Variants in LRP8 observed in about 807,000 individuals in gnomAD.
LRP8 encodes the protein LDL receptor related protein 8, also known as low-density lipoprotein receptor-related protein 8.
In LRP8, 46 loss-of-function variants were observed where a neutral mutation model predicts 111.6. The observed-to-expected ratio is 0.41, with a 90% CI of 0.33 to 0.53. The LOEUF (loss-of-function observed/expected upper bound fraction) is 0.53. Ranked by LOEUF, LRP8 falls within the 20% of genes least tolerant of loss-of-function variation. The pLI is 0.20. For synonymous variants in LRP8, 464 were observed against 511.2 expected, an observed-to-expected ratio of 0.91 and a Z score of 1.24; for missense variants, 959 against 1,297.4, an observed-to-expected ratio of 0.74 and a Z score of 4.01.
chr1:53,310,063 C>G (rs1177166740), intron 2 of LRP8, among the ~76,000 whole-genome samples: 2 of 152,148 alleles, frequency 1.3e-5, no homozygotes, highest in Non-Finnish European at 2.9e-5. Flanking sequence ...TGCCCCGGAG[C>G]ATACCCACAC....
rs538138797 is a variant in LRP8, at chr1:53,279,775, C to T, written c.496+812G>A. Among the ~76,000 whole-genome samples the T allele has an allele frequency of 2.0e-5, 3 of 152,316 alleles. No homozygotes were observed. The highest frequency in any genetic ancestry group is 2.9e-5 in the Non-Finnish European group (2 of 68,022). On this transcript the variant is annotated intron_variant, in intron 4 of 18. Coordinates refer to ENST00000306052, the MANE Select transcript of LRP8 (RefSeq NM_004631.5). This position sits in a 1 kb window ranked among gnomAD's most constrained non-coding sequence, Gnocchi z 4.4. ...TCAGCCCAGCCGCACAGCCTAGTAG[C>T]GACAGCCAGTCTGTCTCCCCCACTA...
chr1:53,304,012 G>A (rs1651482440), intron 2 of LRP8, among the ~76,000 whole-genome samples: 1 of 152,192 alleles, frequency 6.6e-6, no homozygotes, highest in Non-Finnish European at 1.5e-5. Context: ...GAGCTGCCAT[G>A]AAATGACTTT....
chr1:53,308,785 G>A (rs547877727), intron 2 of LRP8, among the ~76,000 whole-genome samples: 1 of 152,274 alleles, frequency 6.6e-6, no homozygotes, highest in East Asian at 1.9e-4. Context: ...AATTCCAAAG[G>A]AGCTCTCACA....
In LRP8 at chr1:53,277,057, TG is replaced by T; in HGVS notation, c.517del (p.Gln173SerfsTer165). 6.6e-7 allele frequency: 1 copy of T among 1,523,026 alleles called. No homozygotes were observed. The highest frequency in any genetic ancestry group is 8.8e-7 in the Non-Finnish European group (1 of 1,140,622). 94.3% of individuals were successfully genotyped at this position (1,523,026 alleles called of 1,614,324 possible). ...CATLCAPHEFQCGNRSCLAAV... is the reference protein window; with the variant it reads ...CATLCAPHEFXCGNRSCLAAV... ...GGCCAGGCACGAGCGGTTGCCGCAC[TG>T]GAACTCGTGCGGGGCGCACACTGCG... On this transcript the variant is annotated frameshift_variant, in exon 5 of 19. Coordinates refer to ENST00000306052, the MANE Select transcript of LRP8 (RefSeq NM_004631.5). LOFTEE classifies it high-confidence loss of function.
intron 10 of LRP8, 117 bp downstream of exon 10, chr1:53,264,052 T>A: frequency 1.0e-6 from 1 of 960,684 alleles, no homozygotes. Flanking sequence ...TTCTTCCCCA[T>A]GGCCTGTGTC....
At chr1:53,256,867 A>AAT (rs1307689083) in intron 15 of LRP8, among the ~76,000 whole-genome samples, 2 of 152,182 alleles carry the variant, frequency 1.3e-5, no homozygotes, top group Non-Finnish European at 2.9e-5. Context: ...AACTTTGTGA[A>AAT]ACATAGACAC....
intron 3 of LRP8, among the ~76,000 whole-genome samples, chr1:53,284,486 T>C (rs1175472028): frequency 6.6e-6 from 1 of 152,178 alleles, no homozygotes; most frequent in Non-Finnish European, 1.5e-5. Context: ...AAATCCTGCA[T>C]GCTCCAGAAC....
chr1:53,324,379 T>C (rs1654881114), intron 2 of LRP8, among the ~76,000 whole-genome samples: 1 of 152,204 alleles, frequency 6.6e-6, no homozygotes, highest in South Asian at 2.1e-4. Flanking sequence ...TTTCCCTTTA[T>C]GGCTACCAGG....
At chr1:53,280,046 T>A (rs182700937) in intron 4 of LRP8, among the ~76,000 whole-genome samples, 34 of 152,362 alleles carry the variant, frequency 2.2e-4, no homozygotes, top group Admixed American at 2.2e-3. Context: ...CTGCTGAGAA[T>A]GTCTTCTCTG....
chr1:53,286,409 G>T (rs1240634500), intron 3 of LRP8, among the ~76,000 whole-genome samples: 1 of 152,184 alleles, frequency 6.6e-6, no homozygotes. Flanking sequence ...AGGTGGAAAG[G>T]TTCTAAGATG....
At chr1:53,321,013 C>T (rs1274307073) in intron 2 of LRP8, among the ~76,000 whole-genome samples, 1 of 152,194 alleles carries the variant, frequency 6.6e-6, no homozygotes, top group Non-Finnish European at 1.5e-5. Flanking sequence ...AAAAACTAGC[C>T]CTCCCAGGGT....
At chr1:53,273,895 G>T (rs1463362691) in intron 6 of LRP8, among the ~76,000 whole-genome samples, 1 of 152,136 alleles carries the variant, frequency 6.6e-6, no homozygotes, top group Admixed American at 6.5e-5. Flanking sequence ...GAAAGGGAGG[G>T]ACTGACCTAG....
chr1:53,295,693 G>A (rs1649577546), intron 2 of LRP8, among the ~76,000 whole-genome samples: 1 of 152,214 alleles, frequency 6.6e-6, no homozygotes, highest in Non-Finnish European at 1.5e-5. Context: ...CCTTGGAGAT[G>A]CATGATGCCC....
At chr1:53,253,974 G>A (rs1645984884) in intron 16 of LRP8, among the ~76,000 whole-genome samples, 1 of 151,894 alleles carries the variant, frequency 6.6e-6, no homozygotes, top group Non-Finnish European at 1.5e-5. Context: ...TTTCTTCCCT[G>A]GATCCTTGGC....
chr1:53,327,663 G>T, intron 1 of LRP8, 126 bp downstream of exon 1: 1 of 1,282,394 alleles, frequency 7.8e-7, no homozygotes, highest in Non-Finnish European at 9.9e-7. Context: ...GCTTCGCGTG[G>T]AGCCTGTCCG....
At chr1:53,270,931 G>A (rs1475487015) in intron 8 of LRP8, 97 bp downstream of exon 8, 7 of 1,558,030 alleles carry the variant, frequency 4.5e-6, no homozygotes, top group African/African-American at 1.4e-5. Context: ...GCCTTCTTGT[G>A]TGTGCGCACA....
At chr1:53,251,711 G>T (rs1027542045) in intron 16 of LRP8, among the ~76,000 whole-genome samples, 1 of 151,712 alleles carries the variant, frequency 6.6e-6, no homozygotes, top group Admixed American at 6.6e-5. Flanking sequence ...TAGAGATCTA[G>T]CTATGCAGTA....
intron 5 of LRP8, 25 bp downstream of exon 5, chr1:53,276,667 G>A: frequency 6.6e-7 from 1 of 1,511,934 alleles, no homozygotes; most frequent in Non-Finnish European, 8.8e-7. Flanking sequence ...CCTGGGCGGG[G>A]CTGGGCGGTA....
Position 53,266,922 on chromosome 1 carries a change from G to T in LRP8, c.1253-275C>A. 1 of 370,636 alleles carries T rather than the reference G, an allele frequency of 2.7e-6. No homozygotes were observed. The highest frequency in any genetic ancestry group is 5.1e-6 in the Non-Finnish European group (1 of 197,110). 23.0% of individuals were successfully genotyped at this position (370,636 alleles called of 1,614,324 possible). A position where few individuals can be genotyped will look rare whatever the true frequency, so the allele number is the denominator to read the frequency against. ...GGCTCCCCATTTTCTCCTTAGGCCT[G>T]CACTGAAAGCCTTCCACAGTGTGAC... On this transcript the variant is annotated intron_variant, in intron 8 of 18. Transcript: ENST00000306052. The surrounding 1 kb of genome is among the most constrained non-coding windows in gnomAD (Gnocchi z 5.0).
Sources: gnomAD v4.1 joint callset for allele counts (sites outside exome capture counted in the v4.1 genomes callset) on GRCh38, gnomAD v4.1.1 for gene constraint, Gnocchi (gnomAD v3.1) non-coding constraint, MANE v1.5 for transcripts, NCBI Gene and HGNC (gene_info 2026-07-23, HGNC 2026-07-21) for gene names.